Variants in MITF observed in about 807,000 individuals in gnomAD.
MITF encodes the protein microphthalmia-associated transcription factor.
Under a neutral mutation model 60.5 loss-of-function variants are expected in MITF, and 17 were observed. The observed-to-expected ratio is 0.28, with a 90% CI of 0.19 to 0.42. MITF has a LOEUF of 0.42. MITF is among the 10% of genes least tolerant of loss of function. MITF has a pLI of 1.00. For missense variants in MITF, 622 were observed against 683.5 expected (o/e 0.91, Z 1.00); for synonymous variants, 260 against 248.5 (o/e 1.05, Z -0.43).
At chr3:69,761,661 G>A (rs2062214333) in intron 1 of MITF, among the ~76,000 whole-genome samples, 1 of 152,158 alleles carries the variant, frequency 6.6e-6, no homozygotes, top group South Asian at 2.1e-4. Context: ...TCTATTAAAG[G>A]TGCTCACAGC....
chr3:69,842,475 T>C (rs529442753), intron 1 of MITF, among the ~76,000 whole-genome samples: 2 of 152,312 alleles, frequency 1.3e-5, no homozygotes, highest in East Asian at 1.9e-4. Context: ...TGAGTTATTA[T>C]GCAGTGGTAG....
intron 2 of MITF, among the ~76,000 whole-genome samples, chr3:69,889,208 A>C (rs1197918128): frequency 1.3e-5 from 2 of 151,794 alleles, no homozygotes; most frequent in African/African-American, 4.8e-5. Flanking sequence ...CATTAATGCT[A>C]ACTGATGGAC....
At chr3:69,910,800 G>C (rs78692819) in intron 2 of MITF, among the ~76,000 whole-genome samples, 2,347 of 152,226 alleles carry the variant, frequency 0.015, 29 homozygotes, top group Middle Eastern at 0.051. Flanking sequence ...TAGGAAGTAA[G>C]TAGATTGCTT....
intron 1 of MITF, among the ~76,000 whole-genome samples, chr3:69,855,811 C>T (rs956451274): frequency 1.3e-5 from 2 of 152,082 alleles, no homozygotes; most frequent in Non-Finnish European, 2.9e-5. Context: ...CTTTATATAT[C>T]GAAGCATCAA....
chr3:69,938,088 T>G (rs745349722), intron 3 of MITF, 39 bp downstream of exon 3: 11 of 1,587,900 alleles, frequency 6.9e-6, no homozygotes, highest in Non-Finnish European at 9.5e-6. Context: ...TTTCTTATGC[T>G]AAATAACTTG....
intron 1 of MITF, among the ~76,000 whole-genome samples, chr3:69,775,033 T>C (rs1425052822): frequency 6.6e-6 from 1 of 152,208 alleles, no homozygotes; most frequent in Non-Finnish European, 1.5e-5. Context: ...TTCTTCTGTT[T>C]TCTTTCTACT....
chr3:69,955,166 T>C (rs2066365131), intron 7 of MITF, among the ~76,000 whole-genome samples: 1 of 152,188 alleles, frequency 6.6e-6, no homozygotes, highest in Admixed American at 6.5e-5. Flanking sequence ...TCTAGTACAG[T>C]AGCCATTCAC....
At chr3:69,797,361 T>C (rs1325442230) in intron 1 of MITF, among the ~76,000 whole-genome samples, 1 of 152,194 alleles carries the variant, frequency 6.6e-6, no homozygotes, top group Non-Finnish European at 1.5e-5. Context: ...AGACTTATTA[T>C]AGCATCTACT....
intron 1 of MITF, among the ~76,000 whole-genome samples, chr3:69,822,758 C>G (rs142926258): frequency 6.6e-6 from 1 of 152,178 alleles, no homozygotes; most frequent in African/African-American, 2.4e-5. Context: ...ACACCAAATA[C>G]TTGCTTGCTT....
intron 1 of MITF, among the ~76,000 whole-genome samples, chr3:69,821,690 T>TAAAAAAAAAAAAAAAAA (rs72371556): frequency 8.8e-6 from 1 of 113,254 alleles, no homozygotes; most frequent in Non-Finnish European, 1.8e-5. Context: ...AAAAAAAAAC[T>TAAAAAAAAAAAAAAAAA]AAAAAAAAAA....
intron 1 of MITF, among the ~76,000 whole-genome samples, chr3:69,836,581 A>G (rs890380734): frequency 7.2e-5 from 11 of 152,156 alleles, no homozygotes; most frequent in Admixed American, 3.9e-4. Context: ...TCTCATGACA[A>G]TTTTACAAAG....
intron 5 of MITF, among the ~76,000 whole-genome samples, chr3:69,945,187 G>A (rs997398194): frequency 2.0e-5 from 3 of 152,112 alleles, no homozygotes; most frequent in Non-Finnish European, 2.9e-5. Flanking sequence ...AAATAATAAC[G>A]TTTTACAATT....
chr3:69,830,987 A>T lies in MITF; in HGVS notation c.105-48147A>T, dbSNP rs529716569. ...CCCTAGACCCTCAAAGTGTTTGTGG[A>T]TAAGACCTTAGGCAAGTTAGCTGAC... is the stretch of plus-strand genomic sequence containing the variant. On this transcript the variant is annotated intron_variant, in intron 1 of 9. Coordinates refer to ENST00000352241, the MANE Select transcript of MITF (RefSeq NM_001354604.2). 1.4e-4 allele frequency among the ~76,000 whole-genome samples: 22 copies of T among 152,200 alleles called. No homozygotes were observed. The South Asian group carries it at 4.0e-3, about 27-fold the overall frequency.
At chr3:69,813,785 G>T (rs760055507) in intron 1 of MITF, among the ~76,000 whole-genome samples, 1 of 152,104 alleles carries the variant, frequency 6.6e-6, no homozygotes, top group Non-Finnish European at 1.5e-5. Context: ...TAAAAAATTG[G>T]TGTTATGAAC....
chr3:69,954,134 T>C (rs370313773), intron 7 of MITF, among the ~76,000 whole-genome samples: 2 of 152,328 alleles, frequency 1.3e-5, no homozygotes, highest in Non-Finnish European at 2.9e-5. Context: ...AAAAATAAAA[T>C]GTAGTACACC....
intron 1 of MITF, among the ~76,000 whole-genome samples, chr3:69,820,806 C>T (rs2063257546): frequency 6.6e-6 from 1 of 152,108 alleles, no homozygotes; most frequent in African/African-American, 2.4e-5. Flanking sequence ...AGATATCTTC[C>T]TGTAGATCCC....
At chr3:69,804,757 A>G (rs965330850) in intron 1 of MITF, among the ~76,000 whole-genome samples, 5 of 152,236 alleles carry the variant, frequency 3.3e-5, no homozygotes, top group African/African-American at 1.2e-4. Context: ...GGCAGAGACC[A>G]TCTTCAGTGA....
intron 1 of MITF, among the ~76,000 whole-genome samples, chr3:69,767,220 T>C (rs965278458): frequency 2.9e-4 from 44 of 152,176 alleles, no homozygotes; most frequent in African/African-American, 9.9e-4. Context: ...TACTGATAAA[T>C]GGCCAGCCTG....
intron 2 of MITF, among the ~76,000 whole-genome samples, chr3:69,899,365 A>C (rs1052191684): frequency 2.0e-5 from 3 of 152,246 alleles, no homozygotes; most frequent in African/African-American, 7.2e-5. Context: ...TTAAGCTCCC[A>C]GGACTTAATC....
Sources: allele counts gnomAD v4.1 joint callset (sites outside exome capture counted in the v4.1 genomes callset), GRCh38; gene constraint gnomAD v4.1.1; transcripts MANE v1.5; gene names NCBI Gene and HGNC (gene_info 2026-07-23, HGNC 2026-07-21).